USP43: variants seen among roughly 807,000 people sequenced by gnomAD.
USP43 encodes the protein ubiquitin specific peptidase 43.
Under a neutral mutation model 90.7 loss-of-function variants are expected in USP43, and 33 were observed. The observed-to-expected ratio is 0.36, with a 90% confidence interval of 0.28 to 0.49. The LOEUF is 0.49. USP43 is among the 20% of genes least tolerant of loss of function. USP43 has a pLI of 0.98. For synonymous variants in USP43, 598 were observed against 615.8 expected, an observed-to-expected ratio of 0.97 and a Z score of 0.43; for missense variants, 1,274 against 1,476.4, an observed-to-expected ratio of 0.86 and a Z score of 2.25.
chr17:9,700,306 G>T (rs1811649721), intron 10 of USP43, 57 bp downstream of exon 10: 2 of 1,519,064 alleles, frequency 1.3e-6, no homozygotes, highest in South Asian at 1.2e-5. Context: ...TGTGTGCCCA[G>T]GTTTCCCTGG....
chr17:9,659,558 G>T (rs895889172), intron 2 of USP43, among the ~76,000 whole-genome samples: 1 of 152,068 alleles, frequency 6.6e-6, no homozygotes, highest in Non-Finnish European at 1.5e-5. Context: ...CTTTCTGCTG[G>T]CTGCGTAGGA....
At chr17:9,694,810 G>A (rs1915163718) in intron 9 of USP43, among the ~76,000 whole-genome samples, 1 of 152,046 alleles carries the variant, frequency 6.6e-6, no homozygotes, top group Non-Finnish European at 1.5e-5. Context: ...TTTTAGTATA[G>A]ACAGGGTTTC....
chr17:9,649,332 G>A (rs897874657), intron 1 of USP43, among the ~76,000 whole-genome samples: 20 of 151,960 alleles, frequency 1.3e-4, no homozygotes, highest in Non-Finnish European at 2.5e-4. Flanking sequence ...AGTCCTGTCC[G>A]TGGTATTACC....
At chr17:9,704,766 C>T (rs1915782013) in intron 12 of USP43, among the ~76,000 whole-genome samples, 2 of 151,768 alleles carry the variant, frequency 1.3e-5, no homozygotes, top group Admixed American at 1.3e-4. Flanking sequence ...ACCCCCCCAC[C>T]TCCCCCAGGC....
intron 14 of USP43, among the ~76,000 whole-genome samples, chr17:9,716,859 G>C (rs190590374): frequency 1.5e-3 from 223 of 152,294 alleles, no homozygotes; most frequent in African/African-American, 4.8e-3. Flanking sequence ...CATTGAGCCA[G>C]GTGCGGTGGC....
intron 2 of USP43, among the ~76,000 whole-genome samples, chr17:9,661,769 C>T (rs933541111): frequency 1.7e-4 from 23 of 138,636 alleles, no homozygotes; most frequent in Admixed American, 1.5e-3. Flanking sequence ...GTGAATGACC[C>T]CCTGCTGCCC....
chr17:9,648,416 G>T (rs1054639215), intron 1 of USP43, among the ~76,000 whole-genome samples: 1 of 152,202 alleles, frequency 6.6e-6, no homozygotes, highest in Non-Finnish European at 1.5e-5. Context: ...CAGATTCTGG[G>T]GCTGCTCTCC....
intron 14 of USP43, among the ~76,000 whole-genome samples, chr17:9,722,080 C>T (rs572357660): frequency 7.2e-5 from 11 of 152,152 alleles, no homozygotes; most frequent in Non-Finnish European, 1.2e-4. Context: ...TAATAATTTT[C>T]GCTTTATCTT....
intron 9 of USP43, among the ~76,000 whole-genome samples, chr17:9,698,276 C>T (rs1915387180): frequency 6.6e-6 from 1 of 152,214 alleles, no homozygotes; most frequent in Non-Finnish European, 1.5e-5. Flanking sequence ...ATCCTGTAGG[C>T]TGCCTCTTTA....
intron 4 of USP43, 135 bp from the exon 5 acceptor site, chr17:9,676,611 A>T (rs1255877344): frequency 1.8e-6 from 2 of 1,088,728 alleles, no homozygotes; most frequent in African/African-American, 1.6e-5. Flanking sequence ...ACCGCAGGTG[A>T]TCCACCTGCT....
Position 9,666,712 on chromosome 17 carries a change from G to T in USP43, c.701G>T (p.Gly234Val). ...TCACCATCAGCTCAGCTTCCTCTAG[G>T]TCAAAGCTTTGTGCAAAGCCACTTT... ...CLSPSAQLPL[G>V]QSFVQSHFQA... Residue 234 changes from glycine to valine, a missense_variant, in exon 3 of 15, where the codon GGT becomes GTT. Physicochemically the swap from Gly to Val is moderately radical, Grantham distance 109. Transcript: ENST00000285199. 3 of 1,613,324 alleles carry T rather than the reference G, an allele frequency of 1.9e-6. No individual in the cohort carries two copies. Among genetic ancestry groups the T allele is most frequent in the Non-Finnish European group, 2.5e-6 (3 of 1,179,696 alleles).
intron 14 of USP43, among the ~76,000 whole-genome samples, chr17:9,716,001 GTGTGTCTGTGTGTGTA>G (rs1218322394): frequency 1.3e-4 from 19 of 142,408 alleles, no homozygotes; most frequent in South Asian, 8.5e-4. Context: ...GTATCTGTGT[GTGTGTCTGTGTGTGTA>G]TGTGTCTGTG....
At chr17:9,711,355 A>G (rs1916185951) in intron 13 of USP43, among the ~76,000 whole-genome samples, 1 of 152,246 alleles carries the variant, frequency 6.6e-6, no homozygotes, top group South Asian at 2.1e-4. Flanking sequence ...TAGAATGCCA[A>G]AGCTGGTGAT....
intron 7 of USP43, among the ~76,000 whole-genome samples, chr17:9,685,949 C>G (rs375451126): frequency 6.6e-6 from 1 of 152,146 alleles, no homozygotes; most frequent in Non-Finnish European, 1.5e-5. Flanking sequence ...ATTACCTAAC[C>G]TTTTCCTAGC....
chr17:9,645,599 G>A lies in USP43; in HGVS notation c.-34G>A, dbSNP rs1266147865. The A allele has an allele frequency of 8.4e-7, 1 of 1,183,732 alleles. No individual in the cohort carries two copies. The highest frequency in any genetic ancestry group is 1.0e-6 in the Non-Finnish European group (1 of 957,544). 73.3% of individuals were successfully genotyped at this position (1,183,732 alleles called of 1,614,324 possible). On this transcript the variant is annotated 5_prime_UTR_variant, in exon 1 of 15. Transcript: ENST00000285199. This position sits in a 1 kb window ranked among gnomAD's most constrained non-coding sequence, Gnocchi z 6.8. ...GGCCGCTCGTCCGCCTCGCGCCCGGGGGCTCCGCGCCTGGAGCTGCGCCGG... is the reference window on the plus strand; with the variant it reads ...GGCCGCTCGTCCGCCTCGCGCCCGGAGGCTCCGCGCCTGGAGCTGCGCCGG...
chr17:9,703,667 A>G (rs1192128208), intron 12 of USP43, among the ~76,000 whole-genome samples: 4 of 152,212 alleles, frequency 2.6e-5, no homozygotes, highest in Admixed American at 6.5e-5. Context: ...TGTGCAGCCA[A>G]CACAGCCCTG....
intron 14 of USP43, among the ~76,000 whole-genome samples, chr17:9,716,681 G>T (rs1402542318): frequency 6.6e-6 from 1 of 152,116 alleles, no homozygotes; most frequent in Non-Finnish European, 1.5e-5. Context: ...GTCTGACCTG[G>T]AGAAATCTGG....
intron 1 of USP43, among the ~76,000 whole-genome samples, chr17:9,651,852 C>T (rs991167633): frequency 1.3e-5 from 2 of 151,986 alleles, no homozygotes; most frequent in Non-Finnish European, 2.9e-5. Flanking sequence ...AAGAAAATTG[C>T]TAAAATATGC....
At chr17:9,704,465 G>A (rs1161510379) in intron 12 of USP43, among the ~76,000 whole-genome samples, 1 of 151,896 alleles carries the variant, frequency 6.6e-6, no homozygotes. Context: ...GGTGGTGCTC[G>A]CCACCACGCC....
Sources: allele counts gnomAD v4.1 joint callset (sites outside exome capture counted in the v4.1 genomes callset), GRCh38; gene constraint gnomAD v4.1.1; non-coding constraint Gnocchi (gnomAD v3.1); transcripts MANE v1.5; gene names NCBI Gene and HGNC (gene_info 2026-07-23, HGNC 2026-07-21).